Variants in IDE observed in about 807,000 individuals in gnomAD.
The protein encoded by IDE is insulin degrading enzyme.
A neutral mutation model predicts 133.2 loss-of-function variants in IDE; 58 were observed. The ratio of observed to expected loss-of-function variants is 0.44; its 90% CI spans 0.35 to 0.54. The LOEUF is 0.54. IDE is among the 20% of genes least tolerant of loss of function. IDE has a pLI of 0.00. For synonymous variants in IDE, 396 were observed against 421.3 expected, an observed-to-expected ratio of 0.94 and a Z score of 0.73; for missense variants, 981 against 1,234.0, an observed-to-expected ratio of 0.79 and a Z score of 3.07.
At chr10:92,537,117 A>C (rs1254880508) in intron 2 of IDE, among the ~76,000 whole-genome samples, 2 of 152,182 alleles carry the variant, frequency 1.3e-5, no homozygotes, top group African/African-American at 4.8e-5. Flanking sequence ...GTTACTGTAA[A>C]GAATGGCAAT....
chr10:92,541,304 G>A (rs781353734), intron 1 of IDE: 3 of 470,452 alleles, frequency 6.4e-6, no homozygotes, highest in South Asian at 4.7e-5. Flanking sequence ...TCACCTTCTG[G>A]AGAAGTGAAG....
intron 13 of IDE, among the ~76,000 whole-genome samples, chr10:92,485,942 T>A (rs767358593): frequency 4.6e-5 from 7 of 150,914 alleles, no homozygotes; most frequent in Non-Finnish European, 1.0e-4. Flanking sequence ...CCTGTCTCCA[T>A]AAATAAATAA....
At chr10:92,567,225 G>A (rs80147279) in intron 1 of IDE, among the ~76,000 whole-genome samples, 3,175 of 152,230 alleles carry the variant, frequency 0.021, 49 homozygotes, top group Admixed American at 0.052. Flanking sequence ...CCTGCCACCT[G>A]CCAGGCAGGA....
chr10:92,574,028 G>A lies in IDE; in HGVS notation c.-9C>T, dbSNP rs1843934646. 6.6e-7 allele frequency: 1 copy of A among 1,507,698 alleles called. No individual in the cohort carries two copies. Among genetic ancestry groups the A allele is most frequent in the Non-Finnish European group, 8.8e-7 (1 of 1,130,316 alleles). 93.4% of individuals were successfully genotyped at this position (1,507,698 alleles called of 1,614,324 possible). A position where few individuals can be genotyped will look rare whatever the true frequency, so the allele number is the denominator to read the frequency against. ...GCTAGCCGGTACCGCATTAGCCAGC[G>A]CAGTCGCCGGGATCACCGCAAACGC... On this transcript the variant is annotated 5_prime_UTR_variant, in exon 1 of 25. Transcript: ENST00000265986.
chr10:92,511,748 G>C (rs1327678257), intron 5 of IDE, among the ~76,000 whole-genome samples: 1 of 152,166 alleles, frequency 6.6e-6, no homozygotes, highest in Non-Finnish European at 1.5e-5. Context: ...ATAAAAGGCA[G>C]ATCAGTGGCT....
intron 4 of IDE, among the ~76,000 whole-genome samples, chr10:92,524,361 TATTATAATA>T (rs2135614705): frequency 2.5e-4 from 2 of 7,982 alleles, no homozygotes; most frequent in East Asian, 3.5e-3. Flanking sequence ...ATATATTTTA[TATTATAATA>T]TATATTATAT....
intron 19 of IDE, among the ~76,000 whole-genome samples, chr10:92,467,630 C>T (rs771099348): frequency 6.6e-6 from 1 of 152,188 alleles, no homozygotes; most frequent in South Asian, 2.1e-4. Context: ...GGATGAATTG[C>T]ACTTTGAAAT....
Position 92,465,791 on chromosome 10 carries a change from G to C in IDE, c.2373C>G (p.Ile791Met), listed in dbSNP as rs35640611. 5.6e-6 allele frequency: 9 copies of C among 1,613,668 alleles called. No individual in the cohort carries two copies. The highest frequency in any genetic ancestry group is 5.9e-6 in the Non-Finnish European group (7 of 1,179,788). ...QRNEVHNNCGIEIYYQTDMQS... is the reference protein window; with the variant it reads ...QRNEVHNNCGMEIYYQTDMQS... ...GCATGTCTGTTTGGTAGTATATCTC[G>C]ATGCCACAGTTATTGTGAACTTCAT... Residue 791 changes from isoleucine (I) to methionine (M), a missense_variant, in exon 20 of 25, where the codon ATC (isoleucine) becomes ATG (methionine). Physicochemically the swap from Ile to Met is conservative, Grantham distance 10. Around this residue, in one of 2 missense-constraint regions of IDE, gnomAD observed 660 missense variants for 894.7 expected, o/e 0.74. Coordinates refer to ENST00000265986, the MANE Select transcript of IDE (RefSeq NM_004969.4).
intron 1 of IDE, among the ~76,000 whole-genome samples, chr10:92,567,926 G>T (rs1033761321): frequency 6.6e-6 from 1 of 152,112 alleles, no homozygotes; most frequent in East Asian, 1.9e-4. Context: ...AGTTTTGATC[G>T]TGCCACTGCA....
intron 1 of IDE, among the ~76,000 whole-genome samples, chr10:92,543,734 C>G (rs1054173021): frequency 6.6e-6 from 1 of 152,142 alleles, no homozygotes; most frequent in South Asian, 2.1e-4. Context: ...TTGATGCATG[C>G]CTATCAATGG....
At chr10:92,458,691 G>A (rs1016413770) in intron 22 of IDE, among the ~76,000 whole-genome samples, 5 of 151,394 alleles carry the variant, frequency 3.3e-5, no homozygotes, top group African/African-American at 9.7e-5. Context: ...TAGTAGAGAC[G>A]GGGTTTCACC....
intron 23 of IDE, 42 bp from the exon 24 acceptor site, chr10:92,455,685 A>C: frequency 8.9e-7 from 1 of 1,122,702 alleles, no homozygotes; most frequent in Non-Finnish European, 1.3e-6. Flanking sequence ...ACTTATTGAT[A>C]CTATCACAAA....
rs773095521 is a variant in IDE at position 92,537,532 on chromosome 10, G to A, written c.117C>T (p.Tyr39=). 4.4e-6 allele frequency: 7 copies of A among 1,592,906 alleles called. No individual in the cohort carries two copies. The East Asian group carries it at 1.1e-4, about 25-fold the overall frequency. ...TGATGGCTGGATTATTCATTTTGCT[G>A]TAAGTCTTTTTTTGGAAACTGAAAA... The part of the protein sequence containing the change: ...ERLCGFQKKT[Y]SKMNNPAIKR... Residue 39 remains tyrosine (Y), a synonymous_variant, in exon 2 of 25, where the codon TAC becomes TAT. Transcript: ENST00000265986.
rs571751147 is a variant in IDE at position 92,539,792 on chromosome 10, A to AT, written c.99-2243dup. ...AAAAAAAAAAATTATTTTCTTTCTC[A>AT]TTAGCCATAAGCCACTAAAATTCAA... On this transcript the variant is annotated intron_variant, in intron 1 of 24. Coordinates refer to ENST00000265986, the MANE Select transcript of IDE (RefSeq NM_004969.4). Among the ~76,000 whole-genome samples, 530 of 152,142 alleles carry AT rather than the reference A, an allele frequency of 3.5e-3. 2 individuals are homozygous for AT. Among genetic ancestry groups the AT allele is most frequent in the African/African-American group, 0.012 (504 of 41,500 alleles).
chr10:92,561,112 C>T (rs538665118), intron 1 of IDE, among the ~76,000 whole-genome samples: 7 of 151,736 alleles, frequency 4.6e-5, no homozygotes, highest in South Asian at 4.2e-4. Context: ...CAAACATTAG[C>T]GGGCACGGTG....
chr10:92,551,585 A>G (rs1259944859), intron 1 of IDE, among the ~76,000 whole-genome samples: 2 of 150,396 alleles, frequency 1.3e-5, no homozygotes, highest in Non-Finnish European at 3.0e-5. Flanking sequence ...AAAAAAAAAA[A>G]GAAAAGAAAT....
chr10:92,489,907 A>T (rs1847242574), intron 12 of IDE, among the ~76,000 whole-genome samples: 1 of 152,266 alleles, frequency 6.6e-6, no homozygotes, highest in African/African-American at 2.4e-5. Context: ...ATAGCCAATG[A>T]GAACCAAAAG....
At chr10:92,470,401 A>G in intron 17 of IDE, 56 bp from the exon 18 acceptor site, 1 of 1,133,768 alleles carries the variant, frequency 8.8e-7, no homozygotes, top group Non-Finnish European at 1.3e-6. Flanking sequence ...TTTTTGTTTG[A>G]GATAATTTGA....
In IDE at chr10:92,463,823, G is replaced by A; in HGVS notation, c.2669C>T (p.Ala890Val). The A allele has an allele frequency of 6.2e-7, 1 of 1,614,012 alleles. No individual in the cohort carries two copies. The highest frequency in any genetic ancestry group is 8.5e-7 in the Non-Finnish European group (1 of 1,179,902). The change falls in exon 21 of 25, where the codon GCA becomes GTA. Residue 890 changes from alanine (A) to valine (V), a missense_variant. Ala to Val is a moderately conservative substitution (Grantham distance 64). Transcript: ENST00000265986. ...EAFQKHIQAL[A>V]IRRLDKPKKL... ...CTTTGGTTTGTCTAGTCGACGAATTGCTAATGCCTGAATGTGTTTTTGGAA... is the reference window on the plus strand; with the variant it reads ...CTTTGGTTTGTCTAGTCGACGAATTACTAATGCCTGAATGTGTTTTTGGAA...
Sources: allele counts gnomAD v4.1 joint callset (sites outside exome capture counted in the v4.1 genomes callset), GRCh38; gene constraint gnomAD v4.1.1; regional missense constraint gnomAD v4.1.1; transcripts MANE v1.5; gene names NCBI Gene and HGNC (gene_info 2026-07-23, HGNC 2026-07-21).